The following PTPRA variants were observed in gnomAD, a reference collection of about 807,000 sequenced individuals.
PTPRA encodes the protein protein tyrosine phosphatase receptor type A.
Under a neutral mutation model 104.8 loss-of-function variants are expected in PTPRA, and 25 were observed. The ratio of observed to expected loss-of-function variants is 0.24; its 90% confidence interval spans 0.17 to 0.33. The LOEUF (loss-of-function observed/expected upper bound fraction) is 0.33, where lower values mean the gene tolerates loss of function less well. PTPRA is among the 10% of genes least tolerant of loss of function. PTPRA has a pLI of 1.00. For missense variants in PTPRA, 765 were observed against 1,015.3 expected (o/e 0.75, Z 3.35); for synonymous variants, 323 against 368.9 (o/e 0.88, Z 1.43).
At chr20:2,876,482 A>C (rs571308526) in intron 1 of PTPRA, among the ~76,000 whole-genome samples, 2 of 152,236 alleles carry the variant, frequency 1.3e-5, no homozygotes, top group Admixed American at 1.3e-4. Context: ...TTTTTACTTA[A>C]CATATTTAGG....
chr20:2,868,435 G>A (rs545033923), upstream of PTPRA, among the ~76,000 whole-genome samples: 2 of 150,542 alleles, frequency 1.3e-5, no homozygotes, highest in East Asian at 3.9e-4. Context: ...AAGTGCTGGG[G>A]TTACAGCATG....
intron 9 of PTPRA, among the ~76,000 whole-genome samples, chr20:2,996,933 AG>A (rs2063419539): frequency 6.6e-6 from 1 of 152,208 alleles, no homozygotes; most frequent in Non-Finnish European, 1.5e-5. Context: ...TTTCTGACCA[AG>A]CTTCTGAGAT....
chr20:2,930,961 T>C (rs2060481818), intron 2 of PTPRA, among the ~76,000 whole-genome samples: 1 of 152,182 alleles, frequency 6.6e-6, no homozygotes, highest in East Asian at 1.9e-4. Context: ...ATTGAAAACT[T>C]TGAGCAGGAT....
At chr20:2,986,548 T>A (rs1349652078) in intron 6 of PTPRA, among the ~76,000 whole-genome samples, 2 of 152,188 alleles carry the variant, frequency 1.3e-5, no homozygotes, top group African/African-American at 4.8e-5. Context: ...GGGGTGAGCA[T>A]GTCATCCTGG....
At chr20:2,948,132 G>T in intron 3 of PTPRA, 108 bp downstream of exon 3, 2 of 467,554 alleles carry the variant, frequency 4.3e-6, no homozygotes, top group East Asian at 7.0e-5. Flanking sequence ...ATAATCTGGG[G>T]TGGGGGTGCA....
At chr20:2,900,673 T>C (rs2147100649) in intron 1 of PTPRA, among the ~76,000 whole-genome samples, 1 of 151,476 alleles carries the variant, frequency 6.6e-6, no homozygotes, top group East Asian at 2.0e-4. Flanking sequence ...CTGACCAACA[T>C]GGTGAAACCC....
intron 1 of PTPRA, among the ~76,000 whole-genome samples, chr20:2,909,282 C>T (rs1030218347): frequency 6.6e-6 from 1 of 151,794 alleles, no homozygotes; most frequent in Admixed American, 6.6e-5. Context: ...GAGCGAAATC[C>T]TGTCTCAAAA....
At chr20:3,008,770 G>A (rs531528052) in intron 11 of PTPRA, among the ~76,000 whole-genome samples, 4 of 150,854 alleles carry the variant, frequency 2.7e-5, no homozygotes, top group African/African-American at 4.9e-5. Flanking sequence ...CAACTTAGCC[G>A]GGCGTGGTGG....
At chr20:2,953,289 C>T (rs773018905) in intron 3 of PTPRA, among the ~76,000 whole-genome samples, 2 of 151,750 alleles carry the variant, frequency 1.3e-5, no homozygotes, top group Non-Finnish European at 2.9e-5. Flanking sequence ...GAGTCTCACT[C>T]TGTCACCCAG....
At chr20:3,031,628 C>T (rs915092103) in intron 20 of PTPRA, among the ~76,000 whole-genome samples, 16 of 152,116 alleles carry the variant, frequency 1.1e-4, no homozygotes, top group South Asian at 6.2e-4. Flanking sequence ...ACAAGGCATC[C>T]GCCCTGTTTA....
At chr20:2,999,286 C>T (rs1476983670) in intron 9 of PTPRA, among the ~76,000 whole-genome samples, 1 of 152,038 alleles carries the variant, frequency 6.6e-6, no homozygotes, top group Non-Finnish European at 1.5e-5. Flanking sequence ...CAATTCTCCC[C>T]CAAGATATAT....
intron 1 of PTPRA, among the ~76,000 whole-genome samples, chr20:2,891,791 A>G (rs1216132134): frequency 6.6e-6 from 1 of 152,134 alleles, no homozygotes; most frequent in Non-Finnish European, 1.5e-5. Context: ...CAGGTGCCTT[A>G]TATAAAATGG....
intron 5 of PTPRA, among the ~76,000 whole-genome samples, chr20:2,966,754 C>T (rs931487964): frequency 2.0e-5 from 3 of 152,168 alleles, no homozygotes; most frequent in African/African-American, 7.2e-5. Flanking sequence ...TTTCAGTGTA[C>T]AGGTCATGAC....
At chr20:2,864,211 G>A in the PTPRA span, 1 of 1,614,184 alleles carries the variant, frequency 6.2e-7, no homozygotes, top group South Asian at 1.1e-5. The surrounding 1 kb of genome is among the most constrained non-coding windows in gnomAD (Gnocchi z 5.2). Flanking sequence ...CAGGGGAGCA[G>A]GTACCCCTTC....
intron 2 of PTPRA, among the ~76,000 whole-genome samples, chr20:2,923,673 C>T (rs1186098619): frequency 2.0e-5 from 3 of 152,008 alleles, no homozygotes; most frequent in Admixed American, 1.3e-4. Flanking sequence ...GTGGCATGTG[C>T]CTGTAATCCC....
At chr20:3,024,394 G>A (rs2065033972) in intron 16 of PTPRA, 78 bp from the exon 17 acceptor site, 17 of 1,411,384 alleles carry the variant, frequency 1.2e-5, no homozygotes, top group Non-Finnish European at 1.7e-5. Context: ...CTGGAGTGAA[G>A]TGGGGGTGGG....
chr20:3,005,140 T>C lies in PTPRA; in HGVS notation c.823T>C (p.Leu275=), dbSNP rs2063805207. ...GGAAAAAAATCGATATGTAAACATC[T>C]TGCCTTGTGAGTGTCTTTAGTGTTT... is the stretch of plus-strand genomic sequence containing the variant. ...NKEKNRYVNI[L]PYDHSRVHLT... is the part of the protein sequence containing the mutation. The change falls in exon 10 of 24, where the codon TTG becomes CTG. Residue 275 remains leucine (L), a synonymous_variant. Coordinates refer to ENST00000399903, the MANE Select transcript of PTPRA (RefSeq NM_001385305.1). The C allele has an allele frequency of 1.9e-6, 3 of 1,593,140 alleles. No individual in the cohort carries two copies. The South Asian group carries it at 3.3e-5, about 18-fold the overall frequency.
At chr20:2,944,754 C>G (rs957313176) in intron 2 of PTPRA, among the ~76,000 whole-genome samples, 1 of 152,016 alleles carries the variant, frequency 6.6e-6, no homozygotes, top group Non-Finnish European at 1.5e-5. Flanking sequence ...TTTTTCCTTT[C>G]GAGTGCTTAA....
Position 3,027,710 on chromosome 20 carries a change from T to A in PTPRA, c.1789T>A (p.Tyr597Asn), listed in dbSNP as rs755172238. 6.2e-7 allele frequency: 1 copy of A among 1,613,916 alleles called. No homozygotes were observed. ...DYVNASFIDG[Y>N]RQKDSYIASQ... is the part of the protein sequence containing the mutation. ...GCAATTAACCTGGCCTGTGCAGGGC[T>A]ACCGGCAGAAGGACTCCTATATCGC... Residue 597 changes from tyrosine (Y) to asparagine (N), a missense_variant, in exon 20 of 24, where the codon TAC becomes AAC. By Grantham distance (143) the Tyr-to-Asn change is moderately radical. Around this residue, in one of 4 missense-constraint regions of PTPRA, gnomAD observed 192 missense variants for 227.0 expected, o/e 0.85. Transcript: ENST00000399903.
Sources: allele counts gnomAD v4.1 joint callset (sites outside exome capture counted in the v4.1 genomes callset), GRCh38; gene constraint gnomAD v4.1.1; regional missense constraint gnomAD v4.1.1; non-coding constraint Gnocchi (gnomAD v3.1); transcripts MANE v1.5; gene names NCBI Gene and HGNC (gene_info 2026-07-23, HGNC 2026-07-21).